The following RASSF8 variants were observed in gnomAD, a reference collection of about 807,000 sequenced individuals.
The protein encoded by RASSF8 is Ras association domain family member 8.
Under a neutral mutation model 48.5 loss-of-function variants are expected in RASSF8, and 22 were observed. The observed-to-expected ratio is 0.45, with a 90% CI of 0.32 to 0.65. The LOEUF is 0.65. RASSF8 is among the 30% of genes least tolerant of loss of function. The pLI, the probability that RASSF8 is intolerant of heterozygous loss-of-function variation, is 0.03. For missense variants in RASSF8, 418 were observed against 489.2 expected, an observed-to-expected ratio of 0.85 and a Z score of 1.37; for synonymous variants, 127 against 171.5, an observed-to-expected ratio of 0.74 and a Z score of 2.03.
intron 1 of RASSF8, chr12:25,959,667 G>A (rs933654323): frequency 4.6e-5 from 7 of 152,152 alleles, no homozygotes; most frequent in Admixed American, 4.6e-4. Context: ...TCCAGAAGAG[G>A]GGACGTTCAA....
At chr12:25,967,308 C>G (rs966761852) in intron 1 of RASSF8, among the ~76,000 whole-genome samples, 1 of 152,162 alleles carries the variant, frequency 6.6e-6, no homozygotes, top group African/African-American at 2.4e-5. Context: ...TATTTGCTCT[C>G]TGTTATAATA....
chr12:25,988,407 G>C (rs1276165963), intron 1 of RASSF8, among the ~76,000 whole-genome samples: 1 of 152,024 alleles, frequency 6.6e-6, no homozygotes, highest in Non-Finnish European at 1.5e-5. Context: ...ACAATAAGCT[G>C]GATAATCAAA....
In RASSF8 at chr12:26,069,080, G is replaced by T. The variant is rs1222903059; in HGVS notation, c.*262G>T. ...CCTTCGTTTTTATTTGTAGCATTTT[G>T]AGAGCTTTAGGAAAGTATTATATAG... On this transcript the variant is annotated 3_prime_UTR_variant, in exon 6 of 6. Transcript: ENST00000689635. 3 of 1,133,130 alleles carry T rather than the reference G, an allele frequency of 2.6e-6. No homozygotes were observed. The highest frequency in any genetic ancestry group is 4.4e-5 in the Admixed American group (1 of 22,594). The allele number at this position is 1,133,130 out of a possible 1,614,324, so 70.2% of individuals were successfully genotyped here. A position where few individuals can be genotyped will look rare whatever the true frequency, so the allele number is the denominator to read the frequency against.
chr12:26,061,821 CATTT>C (rs1186408317), intron 3 of RASSF8, among the ~76,000 whole-genome samples: 5 of 151,992 alleles, frequency 3.3e-5, no homozygotes, highest in Non-Finnish European at 5.9e-5. Flanking sequence ...TCTATTAATT[CATTT>C]GCCTTTTTTA....
Position 26,064,494 on chromosome 12 carries a change from A to G in RASSF8, c.104-4A>G, listed in dbSNP as rs907901120. Reference sequence around the variant, plus strand: ...GACAAGTTATTCTTACCTTTTTTACATAGGTCGAACTGGAAGGTACACCCT... The same window carrying G: ...GACAAGTTATTCTTACCTTTTTTACGTAGGTCGAACTGGAAGGTACACCCT... On this transcript the variant is annotated splice_region_variant and splice_polypyrimidine_tract_variant and intron_variant, in intron 3 of 5. Transcript: ENST00000689635. The G allele has an allele frequency of 2.5e-5, 38 of 1,524,704 alleles. No homozygotes were observed. Among genetic ancestry groups the G allele is most frequent in the Admixed American group, 1.5e-4 (7 of 46,562 alleles). 94.4% of individuals were successfully genotyped at this position (1,524,704 alleles called of 1,614,324 possible).
chr12:26,041,795 ATAAAG>A (rs1943271619), intron 2 of RASSF8, among the ~76,000 whole-genome samples: 1 of 152,230 alleles, frequency 6.6e-6, no homozygotes, highest in Admixed American at 6.5e-5. Flanking sequence ...CATTTAAAGT[ATAAAG>A]TATACTTAAA....
chr12:26,025,517 G>A (rs1052650299), intron 2 of RASSF8, among the ~76,000 whole-genome samples: 28 of 145,644 alleles, frequency 1.9e-4, no homozygotes, highest in African/African-American at 4.6e-4. Flanking sequence ...AGCCGAGATC[G>A]CACCGCTGCA....
intron 1 of RASSF8, among the ~76,000 whole-genome samples, chr12:25,988,391 A>C (rs1941938612): frequency 6.6e-6 from 1 of 152,134 alleles, no homozygotes; most frequent in Admixed American, 6.5e-5. Flanking sequence ...CAGATGGTTA[A>C]TTCACACAAT....
intron 2 of RASSF8, among the ~76,000 whole-genome samples, chr12:26,036,808 A>G (rs1249074561): frequency 6.6e-6 from 1 of 152,076 alleles, no homozygotes; most frequent in Non-Finnish European, 1.5e-5. Context: ...CCCAGCTATT[A>G]GGGAAGCTGA....
chr12:26,062,645 A>C (rs551643048), intron 3 of RASSF8, among the ~76,000 whole-genome samples: 3 of 152,208 alleles, frequency 2.0e-5, no homozygotes, highest in Admixed American at 2.0e-4. Flanking sequence ...TCTAGTTTAC[A>C]TAGTTGGAAG....
intron 1 of RASSF8, among the ~76,000 whole-genome samples, chr12:25,969,188 G>A (rs1941427850): frequency 6.6e-6 from 1 of 152,196 alleles, no homozygotes; most frequent in Non-Finnish European, 1.5e-5. Flanking sequence ...ACAGTTGAGA[G>A]TCTTGAATAG....
chr12:26,067,037 A>G (rs534863810), intron 4 of RASSF8, among the ~76,000 whole-genome samples: 1 of 152,350 alleles, frequency 6.6e-6, no homozygotes, highest in African/African-American at 2.4e-5. Flanking sequence ...AATGTATCCC[A>G]TGAAAATTGA....
intron 1 of RASSF8, among the ~76,000 whole-genome samples, chr12:25,989,842 A>G (rs1408309113): frequency 6.6e-6 from 1 of 152,214 alleles, no homozygotes; most frequent in Non-Finnish European, 1.5e-5. Flanking sequence ...TAAGAGCAGC[A>G]TGGGATAGGT....
At chr12:25,986,519 C>T (rs55774080) in intron 1 of RASSF8, among the ~76,000 whole-genome samples, 68 of 152,324 alleles carry the variant, frequency 4.5e-4, no homozygotes, top group Non-Finnish European at 7.9e-4. Context: ...ACTGGACTAT[C>T]AGGACTTGTA....
intron 2 of RASSF8, among the ~76,000 whole-genome samples, chr12:26,038,568 G>A (rs1340957364): frequency 6.7e-6 from 1 of 150,040 alleles, no homozygotes; most frequent in Admixed American, 6.7e-5. Context: ...AGATTAATTT[G>A]GGAAAATAAA....
At chr12:25,964,835 G>A (rs1339614120) in intron 1 of RASSF8, among the ~76,000 whole-genome samples, 1 of 152,156 alleles carries the variant, frequency 6.6e-6, no homozygotes, top group African/African-American at 2.4e-5. Context: ...GTTCTAATAC[G>A]TTAAATGTCA....
chr12:26,077,591 C>A (rs1044086682), downstream of RASSF8, among the ~76,000 whole-genome samples: 2 of 152,086 alleles, frequency 1.3e-5, no homozygotes, highest in Non-Finnish European at 2.9e-5. Context: ...GGTGTTATTT[C>A]TGAGGCCTCT....
At chr12:26,044,625 C>G (rs1005603394) in intron 2 of RASSF8, among the ~76,000 whole-genome samples, 3 of 152,150 alleles carry the variant, frequency 2.0e-5, no homozygotes, top group African/African-American at 4.8e-5. Flanking sequence ...GAGACCAGGC[C>G]TAAGCTCAAT....
chr12:25,991,916 G>A (rs16929850), intron 1 of RASSF8, among the ~76,000 whole-genome samples: 14,511 of 152,158 alleles, frequency 0.095, 726 homozygotes, highest in East Asian at 0.12. Context: ...TTTGAATCAC[G>A]TTAAGTTTTA....
Sources: gnomAD v4.1 joint callset for allele counts (sites outside exome capture counted in the v4.1 genomes callset) on GRCh38, gnomAD v4.1.1 for gene constraint, MANE v1.5 for transcripts, NCBI Gene and HGNC (gene_info 2026-07-23, HGNC 2026-07-21) for gene names.